ATG4C: variants seen among roughly 807,000 people sequenced by gnomAD.
ATG4C encodes the protein cysteine protease ATG4C.
In ATG4C, 56 loss-of-function variants were observed where a neutral mutation model predicts 57.6. The ratio of observed to expected loss-of-function variants is 0.97; its 90% CI spans 0.78 to 1.21. The LOEUF (loss-of-function observed/expected upper bound fraction) is 1.21, where lower values mean the gene tolerates loss of function less well. ATG4C is among the 50% of genes most tolerant of loss of function. The probability of loss-of-function intolerance (pLI) is 0.00; values close to 1 mark genes in which losing one functional copy is unlikely to be tolerated. For missense variants in ATG4C, 595 were observed against 529.8 expected (o/e 1.12, Z -1.21); for synonymous variants, 157 against 174.1 (o/e 0.90, Z 0.78).
intron 10 of ATG4C, among the ~76,000 whole-genome samples, chr1:62,856,548 A>T (rs1390971248): frequency 6.6e-6 from 1 of 152,250 alleles, no homozygotes; most frequent in East Asian, 1.9e-4. Context: ...TTTACAGCTA[A>T]GGAAAATGAG....
intron 10 of ATG4C, among the ~76,000 whole-genome samples, chr1:62,848,643 G>C (rs550738727): frequency 2.0e-5 from 3 of 152,090 alleles, no homozygotes; most frequent in African/African-American, 4.8e-5. Context: ...CATTAGCCTT[G>C]AATAGTTGAG....
chr1:62,801,806 A>C (rs985434758), intron 1 of ATG4C, among the ~76,000 whole-genome samples: 1 of 151,576 alleles, frequency 6.6e-6, no homozygotes, highest in Non-Finnish European at 1.5e-5. Context: ...AAAGTACAAA[A>C]AATTAGCCGG....
intron 1 of ATG4C, among the ~76,000 whole-genome samples, chr1:62,789,613 A>T (rs1046390322): frequency 6.6e-6 from 1 of 151,924 alleles, no homozygotes; most frequent in Non-Finnish European, 1.5e-5. Flanking sequence ...GGAGATCGGG[A>T]CCATCCTGGC....
At chr1:62,809,091 G>A (rs545334254) in intron 3 of ATG4C, among the ~76,000 whole-genome samples, 13 of 151,788 alleles carry the variant, frequency 8.6e-5, no homozygotes, top group African/African-American at 2.4e-4. Context: ...GTGCCACCAC[G>A]CCCAGTTAAT....
intron 3 of ATG4C, among the ~76,000 whole-genome samples, chr1:62,814,884 G>A (rs1665212917): frequency 6.6e-6 from 1 of 152,080 alleles, no homozygotes; most frequent in African/African-American, 2.4e-5. Flanking sequence ...GGCCAACATG[G>A]AGACACCTCG....
Position 62,834,232 on chromosome 1 carries a change from TC to T in ATG4C, c.1012+117del, listed in dbSNP as rs1174015324. The T allele has an allele frequency of 7.3e-6, 6 of 825,422 alleles. No homozygotes were observed. In the East Asian group the frequency reaches 7.9e-5, roughly 11 times the overall value. 51.1% of individuals were successfully genotyped at this position (825,422 alleles called of 1,614,324 possible). A position where few individuals can be genotyped will look rare whatever the true frequency, so the allele number is the denominator to read the frequency against. ...AGAGCAAAACGAGTACCTTATACAT[TC>T]ATCAGTCCTACTATAGCCACTCATT... On this transcript the variant is annotated intron_variant, in intron 8 of 10. Coordinates refer to ENST00000317868, the MANE Select transcript of ATG4C (RefSeq NM_032852.4).
chr1:62,801,803 A>G (rs1664675915), intron 1 of ATG4C, among the ~76,000 whole-genome samples: 1 of 151,654 alleles, frequency 6.6e-6, no homozygotes, highest in African/African-American at 2.4e-5. Context: ...CTAAAAGTAC[A>G]AAAAATTAGC....
intron 6 of ATG4C, among the ~76,000 whole-genome samples, chr1:62,827,738 A>T (rs1031337299): frequency 2.0e-5 from 3 of 152,094 alleles, no homozygotes; most frequent in African/African-American, 7.2e-5. Flanking sequence ...GGTTTGTTGT[A>T]CAGATTATTT....
At chr1:62,820,488 G>T (rs1665446476) in intron 5 of ATG4C, among the ~76,000 whole-genome samples, 1 of 152,000 alleles carries the variant, frequency 6.6e-6, no homozygotes, top group Non-Finnish European at 1.5e-5. Context: ...TCAATTAAAT[G>T]ATTACATATA....
intron 9 of ATG4C, among the ~76,000 whole-genome samples, chr1:62,839,354 C>A (rs943963240): frequency 1.3e-5 from 2 of 152,168 alleles, no homozygotes; most frequent in African/African-American, 4.8e-5. Context: ...GACTCAAGTT[C>A]TTACATGAAA....
chr1:62,861,536 A>AGT (rs1252012110), intron 10 of ATG4C, among the ~76,000 whole-genome samples: 2 of 151,626 alleles, frequency 1.3e-5, no homozygotes, highest in Non-Finnish European at 2.9e-5. Context: ...TGGACGACAG[A>AGT]GTGAGAGTAT....
intron 10 of ATG4C, among the ~76,000 whole-genome samples, chr1:62,855,540 CAG>C (rs5774618): frequency 0.027 from 4,153 of 152,168 alleles, 188 homozygotes; most frequent in African/African-American, 0.095. Flanking sequence ...CATATCAGCA[CAG>C]GGGAAAAATT....
At chr1:62,854,350 T>C (rs1272611901) in intron 10 of ATG4C, among the ~76,000 whole-genome samples, 1 of 150,960 alleles carries the variant, frequency 6.6e-6, no homozygotes, top group African/African-American at 2.4e-5. Flanking sequence ...GCGATCTTGG[T>C]TCACTGCAAG....
chr1:62,784,599 ATGCCAG>A (rs1007641861), intron 1 of ATG4C, among the ~76,000 whole-genome samples: 1 of 152,090 alleles, frequency 6.6e-6, no homozygotes. Flanking sequence ...ACCCCTCCTC[ATGCCAG>A]TGCTCTGTCG....
chr1:62,807,645 A>G (rs1557965479), intron 3 of ATG4C, among the ~76,000 whole-genome samples: 1 of 152,050 alleles, frequency 6.6e-6, no homozygotes, highest in Non-Finnish European at 1.5e-5. Flanking sequence ...CACTCCTTCA[A>G]CTCCTGACAA....
chr1:62,864,261 T>C lies in ATG4C; in HGVS notation c.*102T>C, dbSNP rs374832168. On this transcript the variant is annotated 3_prime_UTR_variant, in exon 11 of 11. Coordinates refer to ENST00000317868, the MANE Select transcript of ATG4C (RefSeq NM_032852.4). ...TGTTTATTTTCACAAATATCTTAATTTTATATGTTCTTTAAAAAAGAACAT... is the reference window on the plus strand; with the variant it reads ...TGTTTATTTTCACAAATATCTTAATCTTATATGTTCTTTAAAAAAGAACAT... The C allele has an allele frequency of 1.5e-4, 138 of 946,240 alleles. 2 individuals carry two copies. In the African/African-American group the frequency reaches 2.1e-3, roughly 15 times the overall value. 58.6% of individuals were successfully genotyped at this position (946,240 alleles called of 1,614,324 possible). A position where few individuals can be genotyped will look rare whatever the true frequency, so the allele number is the denominator to read the frequency against.
At chr1:62,788,711 C>T (rs1664167615) in intron 1 of ATG4C, among the ~76,000 whole-genome samples, 1 of 152,044 alleles carries the variant, frequency 6.6e-6, no homozygotes, top group Admixed American at 6.5e-5. Context: ...CAATTAAAGA[C>T]ATTAATTGTA....
chr1:62,861,080 G>T (rs1319145008), intron 10 of ATG4C, among the ~76,000 whole-genome samples: 1 of 152,170 alleles, frequency 6.6e-6, no homozygotes, highest in Non-Finnish European at 1.5e-5. Flanking sequence ...TGTAGCTTTA[G>T]CTGTGTTATT....
intron 7 of ATG4C, among the ~76,000 whole-genome samples, chr1:62,832,245 T>C (rs750438320): frequency 1.4e-4 from 21 of 152,098 alleles, no homozygotes; most frequent in Admixed American, 4.6e-4. Context: ...CAGAAAAAAC[T>C]TCATGATATT....
Sources: gnomAD v4.1 joint callset for allele counts (sites outside exome capture counted in the v4.1 genomes callset) on GRCh38, gnomAD v4.1.1 for gene constraint, MANE v1.5 for transcripts, NCBI Gene and HGNC (gene_info 2026-07-23, HGNC 2026-07-21) for gene names.